The following BRAF variants were observed in gnomAD, a reference collection of about 807,000 sequenced individuals.
BRAF encodes B-Raf proto-oncogene, serine/threonine kinase.
A neutral mutation model predicts 104.6 loss-of-function variants in BRAF; 16 were observed. The observed-to-expected ratio is 0.15, with a 90% confidence interval of 0.10 to 0.23. The LOEUF (loss-of-function observed/expected upper bound fraction) is 0.23. Among genes scored for constraint, BRAF ranks in the 10% least tolerant of loss-of-function variants. BRAF has a pLI of 1.00. For synonymous variants in BRAF, 310 were observed against 341.6 expected (o/e 0.91, Z 1.02); for missense variants, 541 against 937.3 (o/e 0.58, Z 5.52).
intron 17 of BRAF, chr7:140,747,565 T>C (rs1797455026): frequency 3.1e-6 from 1 of 327,106 alleles, no homozygotes; most frequent in Admixed American, 4.6e-5. Context: ...ACGTATTCAC[T>C]GACAAATGAA....
intron 9 of BRAF, among the ~76,000 whole-genome samples, chr7:140,787,251 A>T (rs914843615): frequency 6.9e-6 from 1 of 144,286 alleles, no homozygotes; most frequent in African/African-American, 2.5e-5. Flanking sequence ...CAGTGAGCCG[A>T]GATCGCGCCA....
At position 140,750,537 on chromosome 7, in the gene BRAF, G is replaced by C. The variant is rs75691124; in HGVS notation, c.1981-1119C>G. Among the ~76,000 whole-genome samples the C allele has an allele frequency of 1.7e-3, 254 of 152,338 alleles. 2 individuals carry two copies. In the East Asian group the frequency reaches 0.04, roughly 24 times the overall value. ...ATGATTCTAGTGTCCAACCAAAGTT[G>C]AGAACCACTGATGGAAGATCTGTGG... On this transcript the variant is annotated intron_variant, in intron 16 of 19. Coordinates refer to ENST00000644969, the MANE Select transcript of BRAF (RefSeq NM_001374258.1).
At chr7:140,754,152 T>G in intron 15 of BRAF, 35 bp downstream of exon 14, 1 of 1,600,716 alleles carries the variant, frequency 6.2e-7, no homozygotes, top group Non-Finnish European at 8.6e-7. Context: ...GTCAGGATGT[T>G]TTCAAACTTC....
At position 140,721,772 on chromosome 7, in the gene BRAF, G is replaced by A; in HGVS notation, c.*4722C>T. 6.8e-7 allele frequency: 1 copy of A among 1,465,758 alleles called. No homozygotes were observed. The highest frequency in any genetic ancestry group is 9.0e-7 in the Non-Finnish European group (1 of 1,112,464). 90.8% of individuals were successfully genotyped at this position (1,465,758 alleles called of 1,614,324 possible). ...AATGAAACAAGATACAAGAACCACA[G>A]CATGGAATATGTTTTCTTTTACATC... On this transcript the variant is annotated 3_prime_UTR_variant, in exon 20 of 20. Transcript: ENST00000644969.
chr7:140,819,901 C>T (rs571540167), intron 3 of BRAF, among the ~76,000 whole-genome samples: 9 of 152,208 alleles, frequency 5.9e-5, no homozygotes, highest in South Asian at 2.1e-4. Flanking sequence ...TGAATTATCA[C>T]GGCCACAGAA....
intron 3 of BRAF, among the ~76,000 whole-genome samples, chr7:140,827,132 T>C (rs1244210054): frequency 6.6e-6 from 1 of 152,234 alleles, no homozygotes; most frequent in African/African-American, 2.4e-5. Flanking sequence ...GAATACTTCA[T>C]AGATGATGAG....
intron 3 of BRAF, among the ~76,000 whole-genome samples, chr7:140,821,632 G>C (rs896281980): frequency 2.6e-5 from 4 of 152,106 alleles, no homozygotes; most frequent in African/African-American, 4.8e-5. Flanking sequence ...TACACTGTTG[G>C]TGGGAATGTA....
intron 19 of BRAF, chr7:140,733,956 TACTC>T (rs1320640041): frequency 1.0e-6 from 1 of 990,208 alleles, no homozygotes; most frequent in Non-Finnish European, 1.2e-6. Context: ...TAAGACATTT[TACTC>T]ATGTCAAACG....
chr7:140,714,888 G>A (rs565380965), downstream of BRAF, among the ~76,000 whole-genome samples: 49 of 152,242 alleles, frequency 3.2e-4, 1 homozygote, highest in African/African-American at 1.1e-3. Context: ...AGCTGAAAGC[G>A]GAACAAGTAG....
intron 14 of BRAF, among the ~76,000 whole-genome samples, chr7:140,770,527 C>CAAAAAA (rs35621209): frequency 4.7e-5 from 3 of 63,578 alleles, no homozygotes; most frequent in Admixed American, 1.8e-4. Context: ...TAAGGCCTGC[C>CAAAAAA]AAAAAAAAAA....
intron 1 of BRAF, among the ~76,000 whole-genome samples, chr7:140,897,586 C>T (rs1202669558): frequency 6.6e-6 from 1 of 150,460 alleles, no homozygotes; most frequent in African/African-American, 2.4e-5. Context: ...CCTCTGCCTC[C>T]CGGGTTCAAG....
At chr7:140,748,386 C>T (rs1797522496) in intron 17 of BRAF, among the ~76,000 whole-genome samples, 1 of 152,020 alleles carries the variant, frequency 6.6e-6, no homozygotes, top group Non-Finnish European at 1.5e-5. Context: ...ATTAGAATCA[C>T]CTGGGAAACA....
At chr7:140,757,995 G>C (rs1160652715) in intron 14 of BRAF, 1 of 152,134 alleles carries the variant, frequency 6.6e-6, no homozygotes, top group African/African-American at 2.4e-5. Context: ...ATGCCATTTG[G>C]CTAATTTATC....
intron 1 of BRAF, among the ~76,000 whole-genome samples, chr7:140,860,465 GAAAAAAA>G: frequency 1.6e-5 from 1 of 62,156 alleles, no homozygotes; most frequent in Non-Finnish European, 2.8e-5. Flanking sequence ...CCCATCTCTA[GAAAAAAA>G]AAAAAAAAAG....
In BRAF at chr7:140,859,685, ATT is replaced by A. The variant is rs60932962; in HGVS notation, c.139-9475_139-9474del. ...ATGGAACTTGAAAAACTGATTGTAAATTTTTTTTTTTTTTTTTTTTTGAGATG... is the reference window on the plus strand; with the variant it reads ...ATGGAACTTGAAAAACTGATTGTAAATTTTTTTTTTTTTTTTTTTGAGATG... On this transcript the variant is annotated intron_variant, in intron 1 of 19. Transcript: ENST00000644969. Among the ~76,000 whole-genome samples the A allele has an allele frequency of 3.3e-3, 434 of 131,590 alleles. 1 individual carries two copies. The highest frequency in any genetic ancestry group is 0.01 in the African/African-American group (333 of 32,642). The allele number at this position is 131,590 out of a possible 152,430, so 86.3% of individuals were successfully genotyped here.
chr7:140,757,064 T>C (rs1302003370), intron 14 of BRAF, among the ~76,000 whole-genome samples: 1 of 152,166 alleles, frequency 6.6e-6, no homozygotes, highest in Non-Finnish European at 1.5e-5. Context: ...TCAGACATTA[T>C]TGTGATTGTT....
intron 16 of BRAF, among the ~76,000 whole-genome samples, chr7:140,750,880 GA>G (rs1421276915): frequency 2.6e-5 from 4 of 152,002 alleles, no homozygotes; most frequent in Non-Finnish European, 2.9e-5. Flanking sequence ...AATGCATGAC[GA>G]ATCTTCAATT....
At position 140,781,621 on chromosome 7, in the gene BRAF, T is replaced by C. The variant is rs1562957000; in HGVS notation, c.1507A>G (p.Ile503Val). 1 of 1,614,138 alleles carries C rather than the reference T, an allele frequency of 6.2e-7. No homozygotes were observed. The highest frequency in any genetic ancestry group is 1.1e-5 in the South Asian group (1 of 91,078). The part of the protein sequence containing the change: ...PDGQITVGQR[I>V]GSGSFGTVYK... ...ACTGTTCCAAATGATCCAGATCCAA[T>C]TCTTTGTCCCACTGTAATCTGCCCA... The change falls in exon 12 of 20, where the codon ATT (isoleucine) becomes GTT (valine). Residue 503 changes from isoleucine (I) to valine (V), a missense_variant. Transcript: ENST00000644969.
At chr7:140,835,043 A>C (rs745580032) in intron 2 of BRAF, 171 bp from the exon 3 acceptor site, 22 of 707,542 alleles carry the variant, frequency 3.1e-5, no homozygotes, top group African/African-American at 3.6e-5. Flanking sequence ...TTCACCTTTA[A>C]ATTGATAAAT....
Sources: allele counts gnomAD v4.1 joint callset (sites outside exome capture counted in the v4.1 genomes callset), GRCh38; gene constraint gnomAD v4.1.1; transcripts MANE v1.5; gene names NCBI Gene and HGNC (gene_info 2026-07-23, HGNC 2026-07-21).